Variants in EZH2 observed in about 807,000 individuals in gnomAD.
The protein encoded by EZH2 is histone-lysine N-methyltransferase EZH2.
In EZH2, 18 loss-of-function variants were observed where a neutral mutation model predicts 98.4. The observed-to-expected ratio is 0.18, with a 90% confidence interval of 0.13 to 0.27. EZH2 has a LOEUF of 0.27. Among genes scored for constraint, EZH2 ranks in the 10% least tolerant of loss-of-function variants. The pLI is 1.00. For missense variants in EZH2, 470 were observed against 935.1 expected, an observed-to-expected ratio of 0.50 and a Z score of 6.49; for synonymous variants, 338 against 312.3, an observed-to-expected ratio of 1.08 and a Z score of -0.87.
intron 3 of EZH2, among the ~76,000 whole-genome samples, chr7:148,835,331 G>A (rs1810598200): frequency 6.6e-6 from 1 of 151,628 alleles, no homozygotes; most frequent in African/African-American, 2.4e-5. Flanking sequence ...GCTGAGGTGG[G>A]AGGATCACTT....
chr7:148,815,040 C>G lies in EZH2; in HGVS notation c.1547-1G>C, dbSNP rs2129470144. On this transcript the variant is annotated splice_acceptor_variant, in intron 13 of 19. Transcript: ENST00000320356. LOFTEE classifies it high-confidence loss of function. ...TTGTAAACATGGTTAGAGGAGCCGT[C>G]TGAGTAAAGATAACATCATGCAGGC... 6.2e-7 allele frequency: 1 copy of G among 1,613,552 alleles called. No homozygotes were observed. The highest frequency in any genetic ancestry group is 8.5e-7 in the Non-Finnish European group (1 of 1,179,768).
intron 15 of EZH2, among the ~76,000 whole-genome samples, chr7:148,813,663 A>G (rs1465621442): frequency 6.6e-6 from 1 of 152,068 alleles, no homozygotes; most frequent in African/African-American, 2.4e-5. Flanking sequence ...AAATTCAAAT[A>G]ATCTATTAAA....
chr7:148,849,997 T>C (rs1815258816), intron 1 of EZH2, among the ~76,000 whole-genome samples: 1 of 152,166 alleles, frequency 6.6e-6, no homozygotes, highest in South Asian at 2.1e-4. Flanking sequence ...TAGTTTTCAC[T>C]GATGTATAAT....
intron 1 of EZH2, among the ~76,000 whole-genome samples, chr7:148,856,075 G>T (rs1243668689): frequency 6.6e-6 from 1 of 152,028 alleles, no homozygotes; most frequent in Non-Finnish European, 1.5e-5. Context: ...TCTCAGGATA[G>T]AATGCAAACT....
At chr7:148,863,433 A>AT (rs1369075984) in intron 1 of EZH2, among the ~76,000 whole-genome samples, 3 of 152,168 alleles carry the variant, frequency 2.0e-5, no homozygotes, top group Non-Finnish European at 4.4e-5. Context: ...TAAGAGACTA[A>AT]TATCTACTAA....
intron 3 of EZH2, among the ~76,000 whole-genome samples, chr7:148,845,412 C>CA (rs2129484585): frequency 6.6e-6 from 1 of 152,250 alleles, no homozygotes; most frequent in Admixed American, 6.5e-5. Flanking sequence ...AATTATAAGT[C>CA]AGAGCTTTAC....
chr7:148,814,589 T>C (rs1351773428), intron 14 of EZH2, among the ~76,000 whole-genome samples: 5 of 152,230 alleles, frequency 3.3e-5, no homozygotes, highest in Non-Finnish European at 5.9e-5. Context: ...CCAAAAATTA[T>C]TTGGGTAGCT....
chr7:148,808,647 GCAAA>G (rs1291531548), intron 19 of EZH2, among the ~76,000 whole-genome samples: 1 of 152,170 alleles, frequency 6.6e-6, no homozygotes, highest in Non-Finnish European at 1.5e-5. Flanking sequence ...AAGTATTATA[GCAAA>G]CAATAAATTA....
intron 4 of EZH2, among the ~76,000 whole-genome samples, chr7:148,831,049 A>G (rs1809251384): frequency 6.6e-6 from 1 of 152,206 alleles, no homozygotes; most frequent in Non-Finnish European, 1.5e-5. Context: ...GAGATGGCGT[A>G]GGCTCGGCCC....
chr7:148,808,685 T>C (rs1357447477), intron 19 of EZH2, among the ~76,000 whole-genome samples: 2 of 152,192 alleles, frequency 1.3e-5, no homozygotes, highest in African/African-American at 4.8e-5. Context: ...CATAAAGATA[T>C]GCATAGTATA....
At chr7:148,872,093 A>G (rs1819499684) in intron 1 of EZH2, among the ~76,000 whole-genome samples, 1 of 152,216 alleles carries the variant, frequency 6.6e-6, no homozygotes, top group African/African-American at 2.4e-5. Flanking sequence ...ATGTCCACCA[A>G]TAGATAAATG....
In EZH2 at chr7:148,814,029, C is replaced by T; in HGVS notation, c.1781G>A (p.Gly594Glu). ...TTTACTGTCCCAATGGTCAGCGGCT[C>T]CACAAGTAAGACAGAGGTCAGGGTC... ...ECDPDLCLTC[G>E]AADHWDSKNV... The change falls in exon 15 of 20, where the codon GGA becomes GAA. Residue 594 changes from glycine to glutamate, a missense_variant. Physicochemically the swap from Gly to Glu is moderately conservative, Grantham distance 98. Transcript: ENST00000320356. 1 of 1,614,192 alleles carries T rather than the reference C, an allele frequency of 6.2e-7. No individual in the cohort carries two copies. The highest frequency in any genetic ancestry group is 8.5e-7 in the Non-Finnish European group (1 of 1,180,042).
chr7:148,875,579 T>C (rs951590374), intron 1 of EZH2, among the ~76,000 whole-genome samples: 4 of 152,170 alleles, frequency 2.6e-5, no homozygotes, highest in African/African-American at 9.6e-5. Flanking sequence ...ATGGCCAAAA[T>C]TTAAAAGACT....
chr7:148,865,147 C>T (rs528124585), intron 1 of EZH2, among the ~76,000 whole-genome samples: 1 of 148,074 alleles, frequency 6.8e-6, no homozygotes, highest in African/African-American at 2.5e-5. Flanking sequence ...AAAAAAAGTA[C>T]CAGAAACTAA....
chr7:148,858,208 C>T (rs189262964), intron 1 of EZH2, among the ~76,000 whole-genome samples: 47 of 151,830 alleles, frequency 3.1e-4, no homozygotes, highest in Admixed American at 2.7e-3. Context: ...AGGAGAATGG[C>T]GTGAACCCGG....
chr7:148,823,272 T>C (rs1298698598), intron 8 of EZH2, among the ~76,000 whole-genome samples: 2 of 152,166 alleles, frequency 1.3e-5, no homozygotes, highest in African/African-American at 4.8e-5. Flanking sequence ...TAAACTTGCA[T>C]GAAATGGGTA....
intron 6 of EZH2, among the ~76,000 whole-genome samples, chr7:148,828,462 T>C (rs1585018670): frequency 6.6e-6 from 1 of 151,874 alleles, no homozygotes; most frequent in African/African-American, 2.4e-5. Flanking sequence ...CTCATTTTTT[T>C]ACTTTTTAGT....
At chr7:148,877,633 C>T (rs1563078409) in intron 1 of EZH2, among the ~76,000 whole-genome samples, 1 of 152,286 alleles carries the variant, frequency 6.6e-6, no homozygotes, top group African/African-American at 2.4e-5. Flanking sequence ...AGCTCAGGGA[C>T]TGGAACCCAA....
At chr7:148,843,553 C>T (rs557561783) in intron 3 of EZH2, among the ~76,000 whole-genome samples, 1 of 149,114 alleles carries the variant, frequency 6.7e-6, no homozygotes, top group African/African-American at 2.5e-5. Flanking sequence ...CTGAGTATAT[C>T]CACTTCTACA....
Sources: gnomAD v4.1 joint callset for allele counts (sites outside exome capture counted in the v4.1 genomes callset) on GRCh38, gnomAD v4.1.1 for gene constraint, MANE v1.5 for transcripts, NCBI Gene and HGNC (gene_info 2026-07-23, HGNC 2026-07-21) for gene names.